Variants in DRD3 observed in about 807,000 individuals in gnomAD.
DRD3 encodes D(3) dopamine receptor.
Under a neutral mutation model 36.3 loss-of-function variants are expected in DRD3, and 19 were observed. The ratio of observed to expected loss-of-function variants is 0.52; its 90% CI spans 0.36 to 0.77. The LOEUF (loss-of-function observed/expected upper bound fraction) is 0.77, where lower values mean the gene tolerates loss of function less well. Among genes scored for constraint, DRD3 ranks in the 30% least tolerant of loss-of-function variants. DRD3 has a pLI of 0.00. For missense variants in DRD3, 465 were observed against 505.3 expected (o/e 0.92, Z 0.77); for synonymous variants, 195 against 203.7 (o/e 0.96, Z 0.36).
At chr3:114,191,642 G>C (rs2078011249) in intron 1 of DRD3, among the ~76,000 whole-genome samples, 1 of 152,190 alleles carries the variant, frequency 6.6e-6, no homozygotes, top group Non-Finnish European at 1.5e-5. Context: ...GCCAGGGCGT[G>C]GGGAGGCTGT....
At chr3:114,139,957 A>C (rs895137080) in intron 4 of DRD3, among the ~76,000 whole-genome samples, 3 of 152,216 alleles carry the variant, frequency 2.0e-5, no homozygotes, top group Admixed American at 1.3e-4. Context: ...GATGAATGAG[A>C]CACCATGTCT....
chr3:114,195,619 G>A (rs1293930272), intron 1 of DRD3, among the ~76,000 whole-genome samples: 1 of 152,172 alleles, frequency 6.6e-6, no homozygotes, highest in Non-Finnish European at 1.5e-5. Context: ...TATTGGCCTT[G>A]TGACTGAACA....
At chr3:114,190,299 G>C (rs896211313) in intron 1 of DRD3, among the ~76,000 whole-genome samples, 3 of 150,236 alleles carry the variant, frequency 2.0e-5, no homozygotes, top group Non-Finnish European at 3.0e-5. Context: ...AGCTGCAATT[G>C]CTGGCTGGCT....
chr3:114,189,731 C>A (rs1169887318), intron 1 of DRD3, among the ~76,000 whole-genome samples: 1 of 152,162 alleles, frequency 6.6e-6, no homozygotes, highest in Non-Finnish European at 1.5e-5. Context: ...CACTAGGAGG[C>A]TTCATACCTT....
At chr3:114,182,236 T>C (rs938042504), upstream of DRD3, among the ~76,000 whole-genome samples, 2 of 152,246 alleles carry the variant, frequency 1.3e-5, no homozygotes, top group African/African-American at 4.8e-5. Flanking sequence ...TGGTGATAGA[T>C]GAGAACCATC....
intron 1 of DRD3, among the ~76,000 whole-genome samples, chr3:114,187,542 G>T (rs2077982196): frequency 6.6e-6 from 1 of 152,164 alleles, no homozygotes; most frequent in Non-Finnish European, 1.5e-5. Flanking sequence ...TCTTGTCATT[G>T]ATGTTCAGAT....
intron 3 of DRD3, among the ~76,000 whole-genome samples, chr3:114,148,795 C>A (rs2077591523): frequency 6.6e-6 from 1 of 152,144 alleles, no homozygotes; most frequent in South Asian, 2.1e-4. Context: ...TCACTGCAAC[C>A]TCTGTCTCCC....
chr3:114,181,445 T>C (rs971933921), upstream of DRD3, among the ~76,000 whole-genome samples: 2 of 152,248 alleles, frequency 1.3e-5, no homozygotes, highest in African/African-American at 2.4e-5. Flanking sequence ...CACTTCCCAT[T>C]CATACAACAA....
At chr3:114,130,659 G>A (rs1243018632) in intron 6 of DRD3, among the ~76,000 whole-genome samples, 1 of 152,048 alleles carries the variant, frequency 6.6e-6, no homozygotes, top group African/African-American at 2.4e-5. Flanking sequence ...TCCTGACCTC[G>A]TGATCTGCCC....
chr3:114,128,010 G>A lies in DRD3; in HGVS notation c.*706C>T. Among the ~76,000 whole-genome samples the A allele has an allele frequency of 6.6e-6, 1 of 152,202 alleles. No homozygotes were observed. Among genetic ancestry groups the A allele is most frequent in the Admixed American group, 6.5e-5 (1 of 15,282 alleles). ...AATATCCCCATCTTGAATGATTCTG[G>A]AAGTTGAGACTCTGAGATTTCCTCT... On this transcript the variant is annotated 3_prime_UTR_variant, in exon 7 of 7. Transcript: ENST00000383673.
intron 4 of DRD3, among the ~76,000 whole-genome samples, chr3:114,143,452 TA>T (rs2077544451): frequency 6.6e-6 from 1 of 152,238 alleles, no homozygotes; most frequent in African/African-American, 2.4e-5. Flanking sequence ...CAAAGGCATC[TA>T]TGAGGCTTTT....
intron 3 of DRD3, among the ~76,000 whole-genome samples, chr3:114,154,744 T>C (rs1191188401): frequency 6.6e-6 from 1 of 152,090 alleles, no homozygotes; most frequent in Non-Finnish European, 1.5e-5. Context: ...AACTCCCTGG[T>C]GAATGAATTT....
rs1047985632 is a variant in DRD3 at position 114,159,989 on chromosome 3, G to A, written c.271-122C>T. On this transcript the variant is annotated intron_variant, in intron 2 of 6. Coordinates refer to ENST00000383673, the MANE Select transcript of DRD3 (RefSeq NM_000796.6). ...TTGGCACTCCTACTCCCTGTGTACC[G>A]TTGTTCCCACAGGGCAGATGGACAT... 4.4e-5 allele frequency: 35 copies of A among 801,356 alleles called. 1 individual carries two copies. The highest frequency in any genetic ancestry group is 8.1e-5 in the South Asian group (5 of 61,570). 49.6% of individuals were successfully genotyped at this position (801,356 alleles called of 1,614,324 possible).
At position 114,159,792 on chromosome 3, in the gene DRD3, C is replaced by G; in HGVS notation, c.346G>C (p.Ala116Pro). The change falls in exon 3 of 7, where the codon GCC (alanine) becomes CCC (proline). Residue 116 changes from alanine to proline, a missense_variant. Transcript: ENST00000383673. Reference protein sequence around the residue: ...FVTLDVMMCTASILNLCAISI... With the variant: ...FVTLDVMMCTPSILNLCAISI... ...ATGGCACAGAGATTAAGGATGCTGG[C>G]TGTACACATCATGACATCCAGGGTG... 1 of 1,614,100 alleles carries G rather than the reference C, an allele frequency of 6.2e-7. No homozygotes were observed.
chr3:114,154,409 G>A (rs1263431027), intron 3 of DRD3, among the ~76,000 whole-genome samples: 2 of 152,024 alleles, frequency 1.3e-5, no homozygotes, highest in Admixed American at 1.3e-4. Context: ...GAGGAAAGAG[G>A]CCAGCCTGGG....
rs747102109 is a variant in DRD3, at chr3:114,175,406, GTCA to G, written c.-36+3248_-36+3250del. 3.9e-5 allele frequency among the ~76,000 whole-genome samples: 6 copies of G among 152,252 alleles called. No individual in the cohort carries two copies. In the South Asian group the frequency reaches 6.2e-4, roughly 16 times the overall value. ...AAACATTCATGAAGACATTCTTAAT[GTCA>G]TCATGTCAACATTCATGATGACATG... On this transcript the variant is annotated intron_variant, in intron 1 of 6. Transcript: ENST00000383673.
intron 1 of DRD3, among the ~76,000 whole-genome samples, chr3:114,198,587 A>T (rs2078049241): frequency 6.6e-6 from 1 of 151,852 alleles, no homozygotes; most frequent in East Asian, 1.9e-4. Flanking sequence ...TTATACATAG[A>T]TTACCATGTT....
chr3:114,193,493 G>T (rs1267363548), intron 1 of DRD3, among the ~76,000 whole-genome samples: 2 of 152,190 alleles, frequency 1.3e-5, no homozygotes, highest in Admixed American at 6.5e-5. Flanking sequence ...CAGCCTGAAG[G>T]CTCCCTCTCC....
At chr3:114,163,253 G>A (rs758643271) in intron 2 of DRD3, among the ~76,000 whole-genome samples, 34 of 140,100 alleles carry the variant, frequency 2.4e-4, no homozygotes, top group Non-Finnish European at 1.6e-5. Flanking sequence ...TCTCTAATTG[G>A]TGGGACTTGT....
Sources: gnomAD v4.1 joint callset for allele counts (sites outside exome capture counted in the v4.1 genomes callset) on GRCh38, gnomAD v4.1.1 for gene constraint, MANE v1.5 for transcripts, NCBI Gene and HGNC (gene_info 2026-07-23, HGNC 2026-07-21) for gene names.